The following SMARCB1 variants were observed in gnomAD, a reference collection of about 807,000 sequenced individuals.
SMARCB1 encodes the protein SWI/SNF related BAF chromatin remodeling complex subunit B1.
In SMARCB1, 5 loss-of-function variants were observed where a neutral mutation model predicts 49.0. That is an observed-to-expected ratio of 0.10 (90% CI 0.05 to 0.21). The LOEUF is 0.21. Among genes scored for constraint, SMARCB1 ranks in the 10% least tolerant of loss-of-function variants. The pLI is 1.00. For missense variants in SMARCB1, 226 were observed against 509.2 expected, an observed-to-expected ratio of 0.44 and a Z score of 5.35; for synonymous variants, 201 against 200.1, an observed-to-expected ratio of 1.00 and a Z score of -0.04.
At position 23,816,865 on chromosome 22, in the gene SMARCB1, A is replaced by C; in HGVS notation, c.724A>C (p.Arg242=). The C allele has an allele frequency of 6.2e-7, 1 of 1,613,920 alleles. No individual in the cohort carries two copies. Among genetic ancestry groups the C allele is most frequent in the Non-Finnish European group, 8.5e-7 (1 of 1,179,792 alleles). ...TGTGCCAGCCATCGCCTCTGCCATC[A>C]GACAGCAGATCGAGTCCTACCCCAC... The part of the protein sequence containing the change: ...TFVPAIASAI[R]QQIESYPTDS... Residue 242 remains arginine, a synonymous_variant, in exon 6 of 9, where the codon AGA becomes CGA. Coordinates refer to ENST00000644036, the MANE Select transcript of SMARCB1 (RefSeq NM_003073.5).
At chr22:23,787,627 A>G (rs892569422) in intron 1 of SMARCB1, among the ~76,000 whole-genome samples, 1 of 151,970 alleles carries the variant, frequency 6.6e-6, no homozygotes, top group African/African-American at 2.4e-5. Flanking sequence ...CCCTTTTTAG[A>G]TGTCGTAAAT....
chr22:23,834,453 G>A lies in SMARCB1; in HGVS notation c.*273G>A, dbSNP rs753863375. On this transcript the variant is annotated 3_prime_UTR_variant, in exon 9 of 9. Transcript: ENST00000644036. ...GGTTGTGTTTTGTTTTTGTATAGGA[G>A]CCCCAGGCAGGGCTAGTAACAGTTT... 3 of 689,552 alleles carry A rather than the reference G, an allele frequency of 4.4e-6. No individual in the cohort carries two copies. The highest frequency in any genetic ancestry group is 4.8e-4 in the Middle Eastern group (2 of 4,210). 42.7% of individuals were successfully genotyped at this position (689,552 alleles called of 1,614,324 possible). A position where few individuals can be genotyped will look rare whatever the true frequency, so the allele number is the denominator to read the frequency against.
intron 3 of SMARCB1, 137 bp from the exon 4 acceptor site, chr22:23,800,807 C>G: frequency 3.8e-6 from 3 of 793,398 alleles, no homozygotes; most frequent in Non-Finnish European, 4.5e-6. Context: ...CCTGCAAAGT[C>G]AGGTGCACAG....
chr22:23,787,278 T>G lies in SMARCB1; in HGVS notation c.93+16T>G, dbSNP rs2145952262. ...CGGCTCCGAGGTAGCCCGGGGCGCG[T>G]TCTCGCCCTCCCCGGGCTCGGCCCC... On this transcript the variant is annotated intron_variant, in intron 1 of 8. Transcript: ENST00000644036. 2 of 1,508,826 alleles carry G rather than the reference T, an allele frequency of 1.3e-6. No homozygotes were observed. The highest frequency in any genetic ancestry group is 2.4e-5 in the East Asian group (1 of 41,446). 93.5% of individuals were successfully genotyped at this position (1,508,826 alleles called of 1,614,324 possible). A position where few individuals can be genotyped will look rare whatever the true frequency, so the allele number is the denominator to read the frequency against.
At chr22:23,819,860 T>G (rs2146017693) in intron 6 of SMARCB1, among the ~76,000 whole-genome samples, 1 of 152,152 alleles carries the variant, frequency 6.6e-6, no homozygotes, top group South Asian at 2.1e-4. Context: ...AGAGTCTCGC[T>G]CTGTTACCCA....
intron 1 of SMARCB1, among the ~76,000 whole-genome samples, chr22:23,789,539 T>C (rs191456478): frequency 2.0e-5 from 3 of 152,332 alleles, no homozygotes; most frequent in Admixed American, 1.3e-4. Context: ...GTGTTTCTCA[T>C]GTGTATAATG....
Position 23,834,887 on chromosome 22 carries a change from G to A in SMARCB1, c.*707G>A, listed in dbSNP as rs2030916602. 8.7e-6 allele frequency: 14 copies of A among 1,612,288 alleles called. No homozygotes were observed. The East Asian group carries it at 2.9e-4, about 33-fold the overall frequency. Reference sequence around the variant, plus strand: ...GGCCGCCCTGGCTCTGCTGTGTCCAGATGGTCAGGCTACTGCCAGCTGGGG... The same window carrying A: ...GGCCGCCCTGGCTCTGCTGTGTCCAAATGGTCAGGCTACTGCCAGCTGGGG... On this transcript the variant is annotated 3_prime_UTR_variant, in exon 9 of 9. Coordinates refer to ENST00000644036, the MANE Select transcript of SMARCB1 (RefSeq NM_003073.5).
At chr22:23,800,794 G>T (rs943898875) in intron 3 of SMARCB1, 150 bp from the exon 4 acceptor site, 11 of 754,828 alleles carry the variant, frequency 1.5e-5, no homozygotes, top group Non-Finnish European at 2.4e-5. Flanking sequence ...TGGGGAGCAG[G>T]CTCCTGCAAA....
intron 6 of SMARCB1, among the ~76,000 whole-genome samples, chr22:23,819,329 CATTCATT>C (rs1336044051): frequency 6.7e-6 from 1 of 150,090 alleles, no homozygotes; most frequent in Non-Finnish European, 1.5e-5. Context: ...TTTATTCATT[CATTCATT>C]CATTCATTCA....
chr22:23,787,810 CT>C (rs1928109755), intron 1 of SMARCB1, among the ~76,000 whole-genome samples: 1 of 152,154 alleles, frequency 6.6e-6, no homozygotes, highest in South Asian at 2.1e-4. Flanking sequence ...AAGATGTTTG[CT>C]TTTGGGTGAA....
rs961609052 is a variant in SMARCB1 at position 23,835,169 on chromosome 22, A to G, written c.*989A>G. The G allele has an allele frequency of 6.2e-6, 8 of 1,295,022 alleles. No individual in the cohort carries two copies. Among genetic ancestry groups the G allele is most frequent in the Non-Finnish European group, 9.8e-7 (1 of 1,024,140 alleles). The allele number at this position is 1,295,022 out of a possible 1,614,324, so 80.2% of individuals were successfully genotyped here. ...TTGACACGGTACAGGGAGGAGACAC[A>G]GCCCAGGGTCCCTTCCCAGCCCTGC... On this transcript the variant is annotated 3_prime_UTR_variant, in exon 9 of 9. Coordinates refer to ENST00000644036, the MANE Select transcript of SMARCB1 (RefSeq NM_003073.5).
chr22:23,824,925 AGCACAGG>A (rs2030296939), intron 6 of SMARCB1: 1 of 502,014 alleles, frequency 2.0e-6, no homozygotes, highest in Non-Finnish European at 3.6e-6. Flanking sequence ...GGTCCCCACC[AGCACAGG>A]GCACAGGGGA....
rs753283462 is a variant in SMARCB1, at chr22:23,837,235, C to T, written c.*3055C>T. On this transcript the variant is annotated 3_prime_UTR_variant, in exon 9 of 9. Coordinates refer to ENST00000644036, the MANE Select transcript of SMARCB1 (RefSeq NM_003073.5). ...AGCAGAGCCTGCCCCAGGCCCCCATCCACAGCCTGGTGGCCCTGCAGGCCC... is the reference window on the plus strand; with the variant it reads ...AGCAGAGCCTGCCCCAGGCCCCCATTCACAGCCTGGTGGCCCTGCAGGCCC... The T allele has an allele frequency of 6.5e-7, 1 of 1,531,790 alleles. No individual in the cohort carries two copies. The highest frequency in any genetic ancestry group is 8.9e-7 in the Non-Finnish European group (1 of 1,127,556). 94.9% of individuals were successfully genotyped at this position (1,531,790 alleles called of 1,614,324 possible).
At chr22:23,827,366 C>T (rs1302561309) in intron 7 of SMARCB1, among the ~76,000 whole-genome samples, 1 of 152,206 alleles carries the variant, frequency 6.6e-6, no homozygotes, top group Non-Finnish European at 1.5e-5. Context: ...TGCTCTGACC[C>T]GAAGGTGACC....
In SMARCB1 at chr22:23,787,120, C is replaced by T. The variant is rs1003522459; in HGVS notation, c.-50C>T. Reference sequence around the variant, plus strand: ...CAGCACGCCCCGGCCCCGCCCCAGCCCTCCTGATCCCTCGCAGCCCGGCTC... The same window carrying T: ...CAGCACGCCCCGGCCCCGCCCCAGCTCTCCTGATCCCTCGCAGCCCGGCTC... On this transcript the variant is annotated 5_prime_UTR_variant, in exon 1 of 9. Transcript: ENST00000644036. 2 of 1,191,068 alleles carry T rather than the reference C, an allele frequency of 1.7e-6. No individual in the cohort carries two copies. The highest frequency in any genetic ancestry group is 2.5e-6 in the Non-Finnish European group (2 of 799,742). The allele number at this position is 1,191,068 out of a possible 1,614,324, so 73.8% of individuals were successfully genotyped here. A position where few individuals can be genotyped will look rare whatever the true frequency, so the allele number is the denominator to read the frequency against.
chr22:23,817,829 A>ATCTTG (rs1244931086), intron 6 of SMARCB1: 3 of 151,486 alleles, frequency 2.0e-5, no homozygotes, highest in Non-Finnish European at 4.4e-5. Flanking sequence ...ACAACTAAAT[A>ATCTTG]TCTTATTTAG....
At position 23,837,520 on chromosome 22, in the gene SMARCB1, T is replaced by C. The variant is rs2031172525; in HGVS notation, c.*3340T>C. 8.8e-6 allele frequency: 8 copies of C among 913,650 alleles called. No individual in the cohort carries two copies. The highest frequency in any genetic ancestry group is 1.3e-5 in the Non-Finnish European group (8 of 610,492). 56.6% of individuals were successfully genotyped at this position (913,650 alleles called of 1,614,324 possible). ...TGAGGGGCTGTAAGAGCACAGCAGC[T>C]GGGAGGGCAGGAAGATGGGGATGGA... On this transcript the variant is annotated 3_prime_UTR_variant, in exon 9 of 9. Transcript: ENST00000644036.
chr22:23,800,260 C>T (rs994425716), intron 3 of SMARCB1, among the ~76,000 whole-genome samples: 1 of 152,246 alleles, frequency 6.6e-6, no homozygotes, highest in African/African-American at 2.4e-5. Flanking sequence ...AGATCAAACG[C>T]TTCATGGGAC....
intron 7 of SMARCB1, among the ~76,000 whole-genome samples, chr22:23,832,149 G>T (rs2030689109): frequency 6.6e-6 from 1 of 152,154 alleles, no homozygotes; most frequent in African/African-American, 2.4e-5. Context: ...CTGGGTGTGT[G>T]CTCACTGGTG....
Sources: gnomAD v4.1 joint callset for allele counts (sites outside exome capture counted in the v4.1 genomes callset) on GRCh38, gnomAD v4.1.1 for gene constraint, MANE v1.5 for transcripts, NCBI Gene and HGNC (gene_info 2026-07-23, HGNC 2026-07-21) for gene names.